Variants in TMEM154 observed in about 807,000 individuals in gnomAD.
The protein encoded by TMEM154 is transmembrane protein 154.
TMEM154 carries 27 observed loss-of-function variants against 24.5 expected under a neutral mutation model. The ratio of observed to expected loss-of-function variants is 1.10; its 90% CI spans 0.81 to 1.52. The LOEUF (loss-of-function observed/expected upper bound fraction) is 1.52. Ranked by LOEUF, TMEM154 falls within the 40% of genes most tolerant of loss-of-function variation. The pLI is 0.00. For synonymous variants in TMEM154, 67 were observed against 76.8 expected (o/e 0.87, Z 0.67); for missense variants, 228 against 213.4 (o/e 1.07, Z -0.43).
chr4:152,649,617 G>T (rs894326350), intron 3 of TMEM154, among the ~76,000 whole-genome samples: 5 of 152,194 alleles, frequency 3.3e-5, no homozygotes, highest in African/African-American at 1.2e-4. Flanking sequence ...ATAGATGAAA[G>T]AATGCTCTTC....
intron 1 of TMEM154, among the ~76,000 whole-genome samples, chr4:152,677,905 G>A (rs907494774): frequency 1.3e-5 from 2 of 152,288 alleles, no homozygotes; most frequent in Non-Finnish European, 2.9e-5. Flanking sequence ...CCCTGGAGCT[G>A]TTCACAGCCA....
intron 1 of TMEM154, among the ~76,000 whole-genome samples, chr4:152,662,068 C>A (rs1007101036): frequency 1.3e-5 from 2 of 152,128 alleles, no homozygotes; most frequent in East Asian, 3.9e-4. Context: ...GTATTATAAT[C>A]TTTTCCTATT....
At chr4:152,664,760 C>T (rs1728682893) in intron 1 of TMEM154, among the ~76,000 whole-genome samples, 1 of 152,152 alleles carries the variant, frequency 6.6e-6, no homozygotes, top group Non-Finnish European at 1.5e-5. Context: ...ATGTGAACTC[C>T]ATGTGCAAAT....
intron 6 of TMEM154, among the ~76,000 whole-genome samples, chr4:152,629,719 A>G (rs920444575): frequency 1.3e-5 from 2 of 152,208 alleles, no homozygotes; most frequent in Non-Finnish European, 2.9e-5. Flanking sequence ...GCAATAGGTG[A>G]TATTCTTCTG....
chr4:152,674,261 A>T lies in TMEM154; in HGVS notation c.64+5609T>A, dbSNP rs1728908634. Among the ~76,000 whole-genome samples the T allele has an allele frequency of 1.3e-5, 2 of 151,994 alleles. 1 individual carries two copies. The highest frequency in any genetic ancestry group is 4.1e-4 in the South Asian group (2 of 4,826). On this transcript the variant is annotated intron_variant, in intron 1 of 6. Transcript: ENST00000304385. The stretch of plus-strand genomic sequence containing the variant: ...AACAGGCTATATAATGTTTTCAGGG[A>T]GCTCCTGTCCATTCACTGGGTCAAC...
At chr4:152,638,914 A>C (rs1368532010) in intron 6 of TMEM154, among the ~76,000 whole-genome samples, 2 of 152,160 alleles carry the variant, frequency 1.3e-5, no homozygotes, top group Admixed American at 6.5e-5. Context: ...AACTATGTGA[A>C]GGCTCTAGCT....
rs1245868197 is a variant in TMEM154, at chr4:152,626,292, GTTTTTTT to G, written c.*2247_*2253del. The G allele has an allele frequency of 3.4e-4, 52 of 152,490 alleles. No individual in the cohort carries two copies. The highest frequency in any genetic ancestry group is 1.2e-3 in the African/African-American group (49 of 41,414). 9.4% of individuals were successfully genotyped at this position (152,490 alleles called of 1,614,324 possible). A position where few individuals can be genotyped will look rare whatever the true frequency, so the allele number is the denominator to read the frequency against. ...ATCCAATTAGGGCAAATTAGTGAGGGTTTTTTTGGTTTTTGTTTTGTTTTTTTAACAA... is the reference window on the plus strand; with the variant it reads ...ATCCAATTAGGGCAAATTAGTGAGGGGGTTTTTGTTTTGTTTTTTTAACAA... On this transcript the variant is annotated 3_prime_UTR_variant, in exon 7 of 7. Coordinates refer to ENST00000304385, the MANE Select transcript of TMEM154 (RefSeq NM_152680.3).
intron 1 of TMEM154, among the ~76,000 whole-genome samples, chr4:152,671,498 A>C (rs2149790711): frequency 6.6e-6 from 1 of 152,220 alleles, no homozygotes; most frequent in South Asian, 2.1e-4. Context: ...CTGTAATCCC[A>C]GCACTTTGGG....
intron 6 of TMEM154, among the ~76,000 whole-genome samples, chr4:152,635,350 T>C (rs1268567406): frequency 1.3e-5 from 2 of 152,220 alleles, no homozygotes; most frequent in African/African-American, 4.8e-5. Context: ...AGAATGAAAA[T>C]ACATTTTTAA....
chr4:152,619,885 A>C lies in TMEM154; in HGVS notation c.*8661T>G, dbSNP rs1334861603. The C allele has an allele frequency of 6.6e-6, 1 of 152,214 alleles. No homozygotes were observed. The highest frequency in any genetic ancestry group is 1.5e-5 in the Non-Finnish European group (1 of 68,034). The allele number at this position is 152,214 out of a possible 1,614,324, so 9.4% of individuals were successfully genotyped here. A position where few individuals can be genotyped will look rare whatever the true frequency, so the allele number is the denominator to read the frequency against. Reference sequence around the variant, plus strand: ...AATTGCAGATTTGTGTGAAAAATAAATTGAGTGTTGTTGTTTTAAGCTGCT... The same window carrying C: ...AATTGCAGATTTGTGTGAAAAATAACTTGAGTGTTGTTGTTTTAAGCTGCT... On this transcript the variant is annotated 3_prime_UTR_variant, in exon 7 of 7. Coordinates refer to ENST00000304385, the MANE Select transcript of TMEM154 (RefSeq NM_152680.3).
chr4:152,632,085 G>A (rs1752055643), intron 6 of TMEM154, among the ~76,000 whole-genome samples: 2 of 152,106 alleles, frequency 1.3e-5, no homozygotes. Flanking sequence ...GGGATTACAG[G>A]CGTGCACCAC....
chr4:152,679,642 A>T (rs1729020945), intron 1 of TMEM154, among the ~76,000 whole-genome samples: 1 of 152,224 alleles, frequency 6.6e-6, no homozygotes, highest in Admixed American at 6.5e-5. Flanking sequence ...AGACTGAAAG[A>T]GGGTTAAATG....
At chr4:152,638,086 A>T (rs967129610) in intron 6 of TMEM154, among the ~76,000 whole-genome samples, 11 of 152,168 alleles carry the variant, frequency 7.2e-5, no homozygotes, top group Non-Finnish European at 5.9e-5. Context: ...CAACATAAGG[A>T]GACCCTGTCA....
At chr4:152,677,688 C>T (rs1469267705) in intron 1 of TMEM154, among the ~76,000 whole-genome samples, 5 of 152,218 alleles carry the variant, frequency 3.3e-5, no homozygotes, top group Non-Finnish European at 5.9e-5. Flanking sequence ...TTTAGGTAAT[C>T]CCTGCACTCT....
intron 1 of TMEM154, among the ~76,000 whole-genome samples, chr4:152,656,529 T>A (rs573654887): frequency 1.3e-5 from 2 of 152,268 alleles, no homozygotes; most frequent in Admixed American, 6.5e-5. Flanking sequence ...GAGACTACAC[T>A]AATGTACATA....
chr4:152,669,707 C>T (rs1390299988), intron 1 of TMEM154: 1 of 152,170 alleles, frequency 6.6e-6, no homozygotes, highest in Non-Finnish European at 1.5e-5. Flanking sequence ...AATATGTCAG[C>T]AAACCTTGGC....
At chr4:152,658,141 G>A (rs754263282) in intron 1 of TMEM154, among the ~76,000 whole-genome samples, 6 of 152,144 alleles carry the variant, frequency 3.9e-5, no homozygotes, top group Non-Finnish European at 7.4e-5. Flanking sequence ...GAACTTTGGA[G>A]ACTGTACAAA....
chr4:152,649,127 G>C (rs923868960), intron 3 of TMEM154, among the ~76,000 whole-genome samples: 2 of 152,254 alleles, frequency 1.3e-5, no homozygotes, highest in Non-Finnish European at 2.9e-5. Context: ...CAGAGACAGT[G>C]AGGTGGGCAT....
chr4:152,674,892 A>C (rs572021484), intron 1 of TMEM154, among the ~76,000 whole-genome samples: 1 of 152,274 alleles, frequency 6.6e-6, no homozygotes, highest in Admixed American at 6.5e-5. Context: ...GCGGTGGCTC[A>C]TGCCTGTAAT....
Sources: gnomAD v4.1 joint callset for allele counts (sites outside exome capture counted in the v4.1 genomes callset) on GRCh38, gnomAD v4.1.1 for gene constraint, MANE v1.5 for transcripts, NCBI Gene and HGNC (gene_info 2026-07-23, HGNC 2026-07-21) for gene names.